The following ESPL1 variants were observed in gnomAD, a reference collection of about 807,000 sequenced individuals.
ESPL1 encodes extra spindle pole bodies like 1, separase.
A neutral mutation model predicts 217.2 loss-of-function variants in ESPL1; 50 were observed. The ratio of observed to expected loss-of-function variants is 0.23; its 90% CI spans 0.18 to 0.29. The LOEUF (loss-of-function observed/expected upper bound fraction) is 0.29, where lower values mean the gene tolerates loss of function less well. Among genes scored for constraint, ESPL1 ranks in the 10% least tolerant of loss-of-function variants. The pLI, the probability that ESPL1 is intolerant of heterozygous loss-of-function variation, is 1.00. For synonymous variants in ESPL1, 994 were observed against 1,081.3 expected (o/e 0.92, Z 1.58); for missense variants, 1,834 against 2,603.0 (o/e 0.70, Z 6.43).
rs1943782252 is a variant in ESPL1, at chr12:53,277,202, G to A, written c.2060G>A (p.Cys687Tyr). 2 of 1,611,486 alleles carry A rather than the reference G, an allele frequency of 1.2e-6. No individual in the cohort carries two copies. Among genetic ancestry groups the A allele is most frequent in the Non-Finnish European group, 1.7e-6 (2 of 1,177,894 alleles). ...KAQALLWLYI[C>Y]TLEAKMQEGI... is the part of the protein sequence containing the mutation. Reference sequence around the variant, plus strand: ...CAGGCCTTGCTGTGGCTTTACATCTGTACTCTGGAAGCCAAAATGCAGGAA... The same window carrying A: ...CAGGCCTTGCTGTGGCTTTACATCTATACTCTGGAAGCCAAAATGCAGGAA... Residue 687 changes from cysteine to tyrosine, a missense_variant, in exon 9 of 31, where the codon TGT becomes TAT. Coordinates refer to ENST00000257934, the MANE Select transcript of ESPL1 (RefSeq NM_012291.5).
chr12:53,289,196 C>T lies in ESPL1; in HGVS notation c.4815C>T (p.Ala1605=). ...ATGCCCACCTCTGCCGCTTCCTGGC[C>T]TTGTGCCTGGGCCACCGGGATCCTT... ...GLYAHLCRFL[A]LCLGHRDPYA... The change falls in exon 21 of 31, where the codon GCC becomes GCT. Residue 1605 remains alanine (A), a synonymous_variant. Coordinates refer to ENST00000257934, the MANE Select transcript of ESPL1 (RefSeq NM_012291.5). The T allele has an allele frequency of 6.2e-7, 1 of 1,614,118 alleles. No individual in the cohort carries two copies. Among genetic ancestry groups the T allele is most frequent in the East Asian group, 2.2e-5 (1 of 44,886 alleles).
At chr12:53,288,730 T>C (rs776670392) in intron 20 of ESPL1, 31 bp downstream of exon 20, 1 of 1,587,190 alleles carries the variant, frequency 6.3e-7, no homozygotes, top group South Asian at 1.1e-5. Flanking sequence ...GTTGGTCACT[T>C]GGAGAGGGCT....
At chr12:53,278,233 G>A (rs1435141428) in intron 11 of ESPL1, among the ~76,000 whole-genome samples, 1 of 152,146 alleles carries the variant, frequency 6.6e-6, no homozygotes, top group Non-Finnish European at 1.5e-5. Flanking sequence ...GTGCAGCAGT[G>A]CATGGAAGAG....
chr12:53,281,692 A>T lies in ESPL1; in HGVS notation c.2619+66A>T, dbSNP rs894832345. 9.4e-6 allele frequency: 14 copies of T among 1,495,498 alleles called. No individual in the cohort carries two copies. In the African/African-American group the frequency reaches 1.4e-4, roughly 15 times the overall value. The allele number at this position is 1,495,498 out of a possible 1,614,324, so 92.6% of individuals were successfully genotyped here. A position where few individuals can be genotyped will look rare whatever the true frequency, so the allele number is the denominator to read the frequency against. On this transcript the variant is annotated intron_variant, in intron 13 of 30. Transcript: ENST00000257934. ...AGAAAGAATTTAGGATTTTCTTGAT[A>T]TTTGCCTGGCTTTTGAGATTTCCCT...
At chr12:53,290,259 G>C (rs192774174) in intron 23 of ESPL1, 47 bp downstream of exon 23, 1 of 1,611,290 alleles carries the variant, frequency 6.2e-7, no homozygotes, top group Non-Finnish European at 8.5e-7. Context: ...ATTGGGCTTC[G>C]GGTCAAGCTG....
chr12:53,283,270 AG>A lies in ESPL1; in HGVS notation c.2920+15del. On this transcript the variant is annotated intron_variant, in intron 15 of 30. Coordinates refer to ENST00000257934, the MANE Select transcript of ESPL1 (RefSeq NM_012291.5). The stretch of plus-strand genomic sequence containing the variant: ...TTTTTGGACTATGGTGAGTCTGGGG[AG>A]GACAGCAGGGCCCTCTTGGAATGGA... The A allele has an allele frequency of 6.2e-7, 1 of 1,614,138 alleles. No individual in the cohort carries two copies. Among genetic ancestry groups the A allele is most frequent in the Non-Finnish European group, 8.5e-7 (1 of 1,179,978 alleles).
intron 11 of ESPL1, among the ~76,000 whole-genome samples, 184 bp from the exon 12 acceptor site, chr12:53,279,548 G>C (rs1389492216): frequency 3.3e-5 from 5 of 152,220 alleles, no homozygotes; most frequent in Middle Eastern, 3.2e-3. Context: ...GGCTATTGAT[G>C]ATGAATGGCA....
At position 53,270,045 on chromosome 12, in the gene ESPL1, G is replaced by A; in HGVS notation, c.1103G>A (p.Gly368Glu). The part of the protein sequence containing the change: ...DAILSLFAFL[G>E]GYCSLLQQLR... Reference sequence around the variant, plus strand: ...ATTCTGAGCCTCTTTGCTTTTCTTGGAGGGTACTGCTCTCTTCTGCAGCAG... The same window carrying A: ...ATTCTGAGCCTCTTTGCTTTTCTTGAAGGGTACTGCTCTCTTCTGCAGCAG... Residue 368 changes from glycine (G) to glutamate (E), a missense_variant, in exon 3 of 31, where the codon GGA becomes GAA. Coordinates refer to ENST00000257934, the MANE Select transcript of ESPL1 (RefSeq NM_012291.5). 5.6e-6 allele frequency: 9 copies of A among 1,613,930 alleles called. No homozygotes were observed. The highest frequency in any genetic ancestry group is 3.3e-4 in the Middle Eastern group (2 of 6,044).
intron 6 of ESPL1, 73 bp from the exon 7 acceptor site, chr12:53,274,744 C>A: frequency 7.9e-7 from 1 of 1,269,350 alleles, no homozygotes; most frequent in Non-Finnish European, 1.1e-6. Context: ...GTACCTATTG[C>A]ATGCATATCC....
Position 53,289,450 on chromosome 12 carries a change from C to G in ESPL1, c.4969C>G (p.Gln1657Glu). The G allele has an allele frequency of 6.2e-7, 1 of 1,614,140 alleles. No individual in the cohort carries two copies. The highest frequency in any genetic ancestry group is 8.5e-7 in the Non-Finnish European group (1 of 1,180,042). The change falls in exon 22 of 31, where the codon CAG becomes GAG. Residue 1657 changes from glutamine to glutamate, a missense_variant. Physicochemically the swap from Gln to Glu is conservative, Grantham distance 29 (BLOSUM62 2). This residue lies in a region of ESPL1 where 681 missense variants were observed against 808.0 expected (regional missense o/e 0.84). Transcript: ENST00000257934. ...ATCACTTGAAATAGCAGACCAGCTG[C>G]AGGGGCTGAGCCTTCAGGAGATGCC... Reference protein sequence around the residue: ...RGSLEIADQLQGLSLQEMPGD... With the variant: ...RGSLEIADQLEGLSLQEMPGD...
intron 3 of ESPL1, 70 bp from the exon 4 acceptor site, chr12:53,270,308 C>A: frequency 8.5e-7 from 1 of 1,177,486 alleles, no homozygotes; most frequent in Non-Finnish European, 1.3e-6. Flanking sequence ...TCCAGGACTC[C>A]GGGTCAGTCT....
intron 17 of ESPL1, among the ~76,000 whole-genome samples, chr12:53,285,641 G>A (rs557315967): frequency 1.1e-4 from 17 of 151,812 alleles, no homozygotes; most frequent in African/African-American, 3.9e-4. Context: ...CCCGGGAGGC[G>A]GAGCTTGCAG....
Position 53,292,672 on chromosome 12 carries a change from C to A in ESPL1, c.5996+15C>A. ...GATTTGTATATGTGAGTGCTTAAGGCAGGGATGTGGGGAGAGGGGCAGTCC... is the reference window on the plus strand; with the variant it reads ...GATTTGTATATGTGAGTGCTTAAGGAAGGGATGTGGGGAGAGGGGCAGTCC... On this transcript the variant is annotated intron_variant, in intron 29 of 30. Transcript: ENST00000257934. The surrounding 1 kb of genome is among the most constrained non-coding windows in gnomAD (Gnocchi z 4.5). The A allele has an allele frequency of 6.2e-7, 1 of 1,610,074 alleles. No individual in the cohort carries two copies. The highest frequency in any genetic ancestry group is 8.5e-7 in the Non-Finnish European group (1 of 1,177,328).
Position 53,289,497 on chromosome 12 carries a change from C to T in ESPL1, c.5016C>T (p.Arg1672=). ...TGCCTGGAGATGTCCCCCTGGCCCGCATCCAGCGCCTCTTTTCCTTCAGGG... is the reference window on the plus strand; with the variant it reads ...TGCCTGGAGATGTCCCCCTGGCCCGTATCCAGCGCCTCTTTTCCTTCAGGG... ...QEMPGDVPLA[R]IQRLFSFRAL... Residue 1672 remains arginine, a synonymous_variant, in exon 22 of 31, where the codon CGC becomes CGT. Coordinates refer to ENST00000257934, the MANE Select transcript of ESPL1 (RefSeq NM_012291.5). 6.2e-7 allele frequency: 1 copy of T among 1,614,198 alleles called. No individual in the cohort carries two copies. The highest frequency in any genetic ancestry group is 8.5e-7 in the Non-Finnish European group (1 of 1,180,024).
At chr12:53,270,844 AC>A (rs1196985906) in intron 5 of ESPL1, 46 bp downstream of exon 5, 1 of 1,609,230 alleles carries the variant, frequency 6.2e-7, no homozygotes, top group Admixed American at 1.7e-5. Context: ...GAGGGTCATC[AC>A]CCATTAGGCA....
In ESPL1 at chr12:53,286,983, T is replaced by C; in HGVS notation, c.4176+71T>C. The stretch of plus-strand genomic sequence containing the variant: ...GTTAGTCCTGGAGGAGAGTGTTTTA[T>C]AGAGCAGGTGTCCCTGTGGAATAGC... On this transcript the variant is annotated intron_variant, in intron 18 of 30. Coordinates refer to ENST00000257934, the MANE Select transcript of ESPL1 (RefSeq NM_012291.5). This position sits in a 1 kb window ranked among gnomAD's most constrained non-coding sequence, Gnocchi z 5.3. 6.8e-7 allele frequency: 1 copy of C among 1,464,150 alleles called. No homozygotes were observed. 90.7% of individuals were successfully genotyped at this position (1,464,150 alleles called of 1,614,324 possible). A position where few individuals can be genotyped will look rare whatever the true frequency, so the allele number is the denominator to read the frequency against.
chr12:53,270,224 C>T, intron 3 of ESPL1, 139 bp downstream of exon 3: 1 of 962,114 alleles, frequency 1.0e-6, no homozygotes, highest in Non-Finnish European at 1.6e-6. Flanking sequence ...AGCCAGCAAA[C>T]AGCCTAGTCT....
rs1293979491 is a variant in ESPL1, at chr12:53,293,375, C to A, written c.6264C>A (p.Pro2088=). 1 of 1,614,188 alleles carries A rather than the reference C, an allele frequency of 6.2e-7. No individual in the cohort carries two copies. The highest frequency in any genetic ancestry group is 1.1e-5 in the South Asian group (1 of 91,086). Residue 2088 remains proline, a synonymous_variant, in exon 31 of 31, where the codon CCC becomes CCA. Coordinates refer to ENST00000257934, the MANE Select transcript of ESPL1 (RefSeq NM_012291.5). The surrounding 1 kb of genome is among the most constrained non-coding windows in gnomAD (Gnocchi z 4.2). The part of the protein sequence containing the change: ...QGWLGAGPGA[P]LLYYVNQARQ... ...GGCTTGGAGCAGGCCCAGGGGCCCC[C>A]CTTCTCTACTATGTAAACCAGGCCC...
chr12:53,268,796 G>T lies in ESPL1; in HGVS notation c.30G>T (p.Gly10=). 1 of 1,612,702 alleles carries T rather than the reference G, an allele frequency of 6.2e-7. No individual in the cohort carries two copies. ...GGAGCTTCAAAAGAGTCAACTTTGG[G>T]ACTCTGCTAAGCAGCCAGAAGGAGG... MRSFKRVNF[G]TLLSSQKEAE... Residue 10 remains glycine (G), a synonymous_variant, in exon 2 of 31, where the codon GGG becomes GGT. Transcript: ENST00000257934.
Sources: allele counts gnomAD v4.1 joint callset (sites outside exome capture counted in the v4.1 genomes callset), GRCh38; gene constraint gnomAD v4.1.1; regional missense constraint gnomAD v4.1.1; non-coding constraint Gnocchi (gnomAD v3.1); transcripts MANE v1.5; gene names NCBI Gene and HGNC (gene_info 2026-07-23, HGNC 2026-07-21).